Variants in TNPO2 observed in about 807,000 individuals in gnomAD.
The protein encoded by TNPO2 is transportin-2.
A neutral mutation model predicts 111.1 loss-of-function variants in TNPO2; 16 were observed. That is an observed-to-expected ratio of 0.14 (90% CI 0.10 to 0.22). The LOEUF (loss-of-function observed/expected upper bound fraction) is 0.22, where lower values mean the gene tolerates loss of function less well. Ranked by LOEUF, TNPO2 falls within the 10% of genes least tolerant of loss-of-function variation. The pLI is 1.00. For missense variants in TNPO2, 530 were observed against 1,173.7 expected (o/e 0.45, Z 8.01); for synonymous variants, 481 against 475.8 (o/e 1.01, Z -0.14).
chr19:12,706,085 G>T lies in TNPO2; in HGVS notation c.1668+111C>A. 8.0e-7 allele frequency: 1 copy of T among 1,250,870 alleles called. No homozygotes were observed. The highest frequency in any genetic ancestry group is 1.1e-6 in the Non-Finnish European group (1 of 907,452). 77.5% of individuals were successfully genotyped at this position (1,250,870 alleles called of 1,614,324 possible). On this transcript the variant is annotated intron_variant, in intron 15 of 25. Transcript: ENST00000425528. This position sits in a 1 kb window ranked among gnomAD's most constrained non-coding sequence, Gnocchi z 7.0. ...AGGGCGGGGCCGGGTCTGTCTGTCT[G>T]CCTGTCGAGGTCACGGCCACGTCCC...
In TNPO2 at chr19:12,701,760, C is replaced by T. The variant is rs780519542; in HGVS notation, c.2503G>A (p.Val835Ile). The T allele has an allele frequency of 3.7e-6, 6 of 1,613,658 alleles. No homozygotes were observed. In the Admixed American group the frequency reaches 6.7e-5, roughly 18 times the overall value. The change falls in exon 23 of 26, where the codon GTT becomes ATT. Residue 835 changes from valine to isoleucine, a missense_variant. Transcript: ENST00000425528. This position sits in a 1 kb window ranked among gnomAD's most constrained non-coding sequence, Gnocchi z 5.0. ...CMMIGVNPGG[V>I]VQDFIFFCDA... ...AGCCCAGCTGCCCCAACCTGCACAACGCCCCCCGGGTTGACACCGATCATC... is the reference window on the plus strand; with the variant it reads ...AGCCCAGCTGCCCCAACCTGCACAATGCCCCCCGGGTTGACACCGATCATC...
At position 12,701,624 on chromosome 19, in the gene TNPO2, C is replaced by T; in HGVS notation, c.2560G>A (p.Asp854Asn). ...TTATAAAACATGTCCCGAAGGTCAT[C>T]CTTCGGGCTCACCCAGGAGGCTACA... ...DAVASWVSPK[D>N]DLRDMFYKIL... is the part of the protein sequence containing the mutation. The change falls in exon 24 of 26, where the codon GAT (aspartate) becomes AAT (asparagine). Residue 854 changes from aspartate to asparagine, a missense_variant. Physicochemically the swap from Asp to Asn is conservative, Grantham distance 23. This residue lies in a region of TNPO2 where 103 missense variants were observed against 156.7 expected (regional missense o/e 0.66). Coordinates refer to ENST00000425528, the MANE Select transcript of TNPO2 (RefSeq NM_001382241.1). This position sits in a 1 kb window ranked among gnomAD's most constrained non-coding sequence, Gnocchi z 5.0. The T allele has an allele frequency of 6.2e-7, 1 of 1,613,842 alleles. No individual in the cohort carries two copies. Among genetic ancestry groups the T allele is most frequent in the Non-Finnish European group, 8.5e-7 (1 of 1,179,882 alleles).
intron 13 of TNPO2, among the ~76,000 whole-genome samples, chr19:12,707,184 A>G (rs2025730920): frequency 6.6e-6 from 1 of 151,976 alleles, no homozygotes; most frequent in African/African-American, 2.4e-5. Context: ...TTTTCAGTAG[A>G]GACAGGGTTT....
At chr19:12,712,817 C>T (rs1292068071) in intron 10 of TNPO2, among the ~76,000 whole-genome samples, 1 of 152,196 alleles carries the variant, frequency 6.6e-6, no homozygotes, top group East Asian at 1.9e-4. Flanking sequence ...GCCCAGCTGC[C>T]TTTTCTATTA....
At position 12,705,542 on chromosome 19, in the gene TNPO2, C is replaced by T. The variant is rs1244183587; in HGVS notation, c.1813G>A (p.Val605Ile). The T allele has an allele frequency of 6.2e-6, 10 of 1,605,460 alleles. No individual in the cohort carries two copies. The highest frequency in any genetic ancestry group is 8.5e-6 in the Non-Finnish European group (10 of 1,176,648). Residue 605 changes from valine (V) to isoleucine (I), a missense_variant, in exon 17 of 26, where the codon GTC (valine) becomes ATC (isoleucine). Physicochemically the swap from Val to Ile is conservative, Grantham distance 29. Transcript: ENST00000425528. This position sits in a 1 kb window ranked among gnomAD's most constrained non-coding sequence, Gnocchi z 7.2. ...QSGFLPYCEPVYQRCVTLVQK... is the reference protein window; with the variant it reads ...QSGFLPYCEPIYQRCVTLVQK... Reference sequence around the variant, plus strand: ...ACCAGGGTGACACAGCGCTGGTAGACGGGCTCACAGTAAGGCAGGAAGCCA... The same window carrying T: ...ACCAGGGTGACACAGCGCTGGTAGATGGGCTCACAGTAAGGCAGGAAGCCA...
At chr19:12,708,817 G>A (rs1419680020) in intron 13 of TNPO2, among the ~76,000 whole-genome samples, 1 of 152,026 alleles carries the variant, frequency 6.6e-6, no homozygotes, top group Non-Finnish European at 1.5e-5. Context: ...GTTGCAGTGA[G>A]TCAAGATTGC....
Position 12,706,564 on chromosome 19 carries a change from G to T in TNPO2, c.1496+6C>A. ...GGGGGCTGTGGGATCAGGGGTCCAGGGTCACCTGCAGGCCGCCTCCTGTAC... is the reference window on the plus strand; with the variant it reads ...GGGGGCTGTGGGATCAGGGGTCCAGTGTCACCTGCAGGCCGCCTCCTGTAC... On this transcript the variant is annotated splice_donor_region_variant and intron_variant, in intron 14 of 25. Coordinates refer to ENST00000425528, the MANE Select transcript of TNPO2 (RefSeq NM_001382241.1). The surrounding 1 kb of genome is among the most constrained non-coding windows in gnomAD (Gnocchi z 7.0). 6.2e-7 allele frequency: 1 copy of T among 1,613,854 alleles called. No homozygotes were observed.
chr19:12,702,567 C>A lies in TNPO2; in HGVS notation c.2305+256G>T. 1 of 530,878 alleles carries A rather than the reference C, an allele frequency of 1.9e-6. No individual in the cohort carries two copies. Among genetic ancestry groups the A allele is most frequent in the South Asian group, 2.0e-5 (1 of 49,094 alleles). 32.9% of individuals were successfully genotyped at this position (530,878 alleles called of 1,614,324 possible). Reference sequence around the variant, plus strand: ...TTTTTTAGTAGAGATGGGGTTTCACCATGTTGGCCAGGCTGGTCTCGAACT... The same window carrying A: ...TTTTTTAGTAGAGATGGGGTTTCACAATGTTGGCCAGGCTGGTCTCGAACT... On this transcript the variant is annotated intron_variant, in intron 21 of 25. Transcript: ENST00000425528. This position sits in a 1 kb window ranked among gnomAD's most constrained non-coding sequence, Gnocchi z 5.5.
chr19:12,701,175 C>G lies in TNPO2; in HGVS notation c.*89G>C. The G allele has an allele frequency of 1.7e-6, 1 of 585,212 alleles. No individual in the cohort carries two copies. The highest frequency in any genetic ancestry group is 3.0e-6 in the Non-Finnish European group (1 of 330,886). The allele number at this position is 585,212 out of a possible 1,614,324, so 36.3% of individuals were successfully genotyped here. A position where few individuals can be genotyped will look rare whatever the true frequency, so the allele number is the denominator to read the frequency against. ...TCACTCCTCCCTAACCCCCCTCAAC[C>G]AGGGCACAGCGACTTCCGGATGCAG... On this transcript the variant is annotated 3_prime_UTR_variant, in exon 26 of 26. Coordinates refer to ENST00000425528, the MANE Select transcript of TNPO2 (RefSeq NM_001382241.1). The surrounding 1 kb of genome is among the most constrained non-coding windows in gnomAD (Gnocchi z 5.0).
rs1005682447 is a variant in TNPO2 at position 12,706,012 on chromosome 19, C to A, written c.1668+184G>T. The A allele has an allele frequency of 2.7e-6, 2 of 730,930 alleles. No homozygotes were observed. The highest frequency in any genetic ancestry group is 2.2e-6 in the Non-Finnish European group (1 of 457,110). The allele number at this position is 730,930 out of a possible 1,614,324, so 45.3% of individuals were successfully genotyped here. A position where few individuals can be genotyped will look rare whatever the true frequency, so the allele number is the denominator to read the frequency against. On this transcript the variant is annotated intron_variant, in intron 15 of 25. Transcript: ENST00000425528. This position sits in a 1 kb window ranked among gnomAD's most constrained non-coding sequence, Gnocchi z 7.0. Reference sequence around the variant, plus strand: ...GGTTCCCGAAGCACAGCACTTACCACGCTGTCTCATAACTGTCTTTCTCCC... The same window carrying A: ...GGTTCCCGAAGCACAGCACTTACCAAGCTGTCTCATAACTGTCTTTCTCCC...
Position 12,720,974 on chromosome 19 carries a change from C to T in TNPO2, c.4G>A (p.Asp2Asn). The stretch of plus-strand genomic sequence containing the variant: ...AGGCCCTGCTCGTCTGGCTGCCAGT[C>T]CATGGCGCAAGGCAAGCTGCGGAGG... M[D>N]WQPDEQGLQQ... is the part of the protein sequence containing the mutation. Residue 2 changes from aspartate to asparagine, a missense_variant, in exon 3 of 26, where the codon GAC becomes AAC. Physicochemically the swap from Asp to Asn is conservative, Grantham distance 23. This residue lies in a region of TNPO2 where 156 missense variants were observed against 405.8 expected (regional missense o/e 0.38). Coordinates refer to ENST00000425528, the MANE Select transcript of TNPO2 (RefSeq NM_001382241.1). The T allele has an allele frequency of 1.3e-6, 2 of 1,582,646 alleles. No homozygotes were observed. Among genetic ancestry groups the T allele is most frequent in the Non-Finnish European group, 1.7e-6 (2 of 1,167,240 alleles).
At chr19:12,714,260 C>G (rs912068026) in intron 10 of TNPO2, among the ~76,000 whole-genome samples, 1 of 151,908 alleles carries the variant, frequency 6.6e-6, no homozygotes, top group Non-Finnish European at 1.5e-5. Flanking sequence ...CTTTCACATC[C>G]TTTGAGCTCC....
In TNPO2 at chr19:12,702,919, CT is replaced by C. The variant is rs1317968703; in HGVS notation, c.2210-2del. On this transcript the variant is annotated splice_acceptor_variant, in intron 20 of 25. Coordinates refer to ENST00000425528, the MANE Select transcript of TNPO2 (RefSeq NM_001382241.1). LOFTEE classifies it high-confidence loss of function. The surrounding 1 kb of genome is among the most constrained non-coding windows in gnomAD (Gnocchi z 5.5). ...TGCACATAAGGCTGCATCTCTGCCC[CT>C]GGGGGAGCACCCAGTCAGAGCCCTG... 6.2e-7 allele frequency: 1 copy of C among 1,613,648 alleles called. No homozygotes were observed. Among genetic ancestry groups the C allele is most frequent in the Non-Finnish European group, 8.5e-7 (1 of 1,179,708 alleles).
Position 12,715,115 on chromosome 19 carries a change from G to A in TNPO2, c.703C>T (p.Arg235Cys), listed in dbSNP as rs1381331208. The change falls in exon 9 of 26, where the codon CGT becomes TGT. Residue 235 changes from arginine to cysteine, a missense_variant. Coordinates refer to ENST00000425528, the MANE Select transcript of TNPO2 (RefSeq NM_001382241.1). This position sits in a 1 kb window ranked among gnomAD's most constrained non-coding sequence, Gnocchi z 7.1. ...DDPEVRKNVC[R>C]ALVMLLEVRI... ...ACTTCCAGAAGCATCACCAGGGCAC[G>A]GCACACATTCTTCCGCACCTCGGGG... 1.9e-6 allele frequency: 3 copies of A among 1,592,706 alleles called. No individual in the cohort carries two copies. Among genetic ancestry groups the A allele is most frequent in the Non-Finnish European group, 2.6e-6 (3 of 1,167,802 alleles).
At chr19:12,703,569 G>T in intron 19 of TNPO2, 43 bp from the exon 20 acceptor site, 1 of 1,603,030 alleles carries the variant, frequency 6.2e-7, no homozygotes, top group Non-Finnish European at 8.5e-7. Flanking sequence ...GGGCCAGCCA[G>T]GGTAAGCTGC....
In TNPO2 at chr19:12,721,319, G is replaced by A. The variant is rs1966925297; in HGVS notation, c.-13-329C>T. ...CGCTGACCCCGGCTCCGAGCCCGAA[G>A]GCTTCCACCTCCCTCGCAGCGGCTG... On this transcript the variant is annotated intron_variant, in intron 2 of 25. Transcript: ENST00000425528. This position sits in a 1 kb window ranked among gnomAD's most constrained non-coding sequence, Gnocchi z 4.9. The A allele has an allele frequency of 7.8e-7, 1 of 1,284,136 alleles. No homozygotes were observed. Among genetic ancestry groups the A allele is most frequent in the Admixed American group, 2.8e-5 (1 of 35,950 alleles). The allele number at this position is 1,284,136 out of a possible 1,614,324, so 79.5% of individuals were successfully genotyped here.
At chr19:12,708,423 C>A (rs1280115226) in intron 13 of TNPO2, among the ~76,000 whole-genome samples, 2 of 150,150 alleles carry the variant, frequency 1.3e-5, no homozygotes, top group African/African-American at 4.8e-5. Flanking sequence ...TAAGCCACCA[C>A]ACCCAGGGTT....
chr19:12,713,523 A>G (rs1014988936), intron 10 of TNPO2, among the ~76,000 whole-genome samples: 1 of 151,000 alleles, frequency 6.6e-6, no homozygotes, highest in East Asian at 1.9e-4. Flanking sequence ...AAATAAACAT[A>G]CAATATGCTG....
chr19:12,720,589 C>G (rs1326314459), intron 3 of TNPO2, among the ~76,000 whole-genome samples: 3 of 152,160 alleles, frequency 2.0e-5, no homozygotes, highest in Non-Finnish European at 4.4e-5. Context: ...CCAAAGTGCT[C>G]CGATTACAGG....
Sources: gnomAD v4.1 joint callset for allele counts (sites outside exome capture counted in the v4.1 genomes callset) on GRCh38, gnomAD v4.1.1 for gene constraint, gnomAD v4.1.1 regional missense constraint, Gnocchi (gnomAD v3.1) non-coding constraint, MANE v1.5 for transcripts, NCBI Gene and HGNC (gene_info 2026-07-23, HGNC 2026-07-21) for gene names.